Variants in SMAD6 observed in about 807,000 individuals in gnomAD.
SMAD6 encodes MAD homolog 6.
Under a neutral mutation model 39.4 loss-of-function variants are expected in SMAD6, and 103 were observed. That is an observed-to-expected ratio of 2.62 (90% confidence interval 2.23 to 3.08). The LOEUF is 3.08. Ranked by LOEUF, SMAD6 falls within the 30% of genes most tolerant of loss-of-function variation. The probability of loss-of-function intolerance (pLI) is 0.00; values close to 1 mark genes in which losing one functional copy is unlikely to be tolerated. For synonymous variants in SMAD6, 445 were observed against 353.3 expected (o/e 1.26, Z -2.91); for missense variants, 1,104 against 742.9 (o/e 1.49, Z -5.65).
At chr15:66,775,253 C>A (rs546380919) in intron 3 of SMAD6, among the ~76,000 whole-genome samples, 13 of 152,152 alleles carry the variant, frequency 8.5e-5, no homozygotes, top group Non-Finnish European at 1.8e-4. Flanking sequence ...TCTGGCCTCT[C>A]GTGCTCAATG....
At chr15:66,738,352 G>A (rs541654941) in intron 3 of SMAD6, among the ~76,000 whole-genome samples, 23 of 152,306 alleles carry the variant, frequency 1.5e-4, no homozygotes, top group Middle Eastern at 3.4e-3. Context: ...GCTTAGCTCC[G>A]AACAGGACAC....
chr15:66,768,983 G>C (rs987247849), intron 3 of SMAD6, among the ~76,000 whole-genome samples: 1 of 152,194 alleles, frequency 6.6e-6, no homozygotes, highest in African/African-American at 2.4e-5. Context: ...TCACAGAAGA[G>C]GGGTGTGTGA....
chr15:66,739,481 T>C (rs1321390210), intron 3 of SMAD6, among the ~76,000 whole-genome samples: 1 of 152,210 alleles, frequency 6.6e-6, no homozygotes, highest in Non-Finnish European at 1.5e-5. Flanking sequence ...ACTCAGGGAC[T>C]GCAGGTGTGC....
At chr15:66,735,714 C>T (rs569155496) in intron 3 of SMAD6, among the ~76,000 whole-genome samples, 1 of 152,332 alleles carries the variant, frequency 6.6e-6, no homozygotes, top group Admixed American at 6.5e-5. Flanking sequence ...TCTGAATGGT[C>T]ACACTTTGAG....
intron 3 of SMAD6, among the ~76,000 whole-genome samples, chr15:66,775,999 C>T (rs911548133): frequency 5.9e-5 from 9 of 152,196 alleles, no homozygotes; most frequent in Non-Finnish European, 1.2e-4. Context: ...TTGCAGAGCA[C>T]GTCAGCTTGT....
chr15:66,781,099 A>C lies in SMAD6; in HGVS notation c.1055A>C (p.Gln352Pro), dbSNP rs1435913974. 4 of 1,608,566 alleles carry C rather than the reference A, an allele frequency of 2.5e-6. No individual in the cohort carries two copies. The highest frequency in any genetic ancestry group is 3.4e-6 in the Non-Finnish European group (4 of 1,179,586). ...GGCCGCCTCTATGCGGTGTACGACC[A>C]GGCCGTCAGCATCTTCTACGACCTA... ...RVGRLYAVYD[Q>P]AVSIFYDLPQ... Residue 352 changes from glutamine (Q) to proline (P), a missense_variant, in exon 4 of 4, where the codon CAG (glutamine) becomes CCG (proline). Gln to Pro is a moderately conservative substitution (Grantham distance 76). Coordinates refer to ENST00000288840, the MANE Select transcript of SMAD6 (RefSeq NM_005585.5).
intron 3 of SMAD6, among the ~76,000 whole-genome samples, chr15:66,779,912 T>C (rs1267088987): frequency 3.9e-5 from 6 of 152,178 alleles, no homozygotes; most frequent in Non-Finnish European, 7.3e-5. Context: ...AGGCCAGATG[T>C]CAGAATCTGA....
At chr15:66,727,187 C>G (rs1893537477) in intron 3 of SMAD6, among the ~76,000 whole-genome samples, 1 of 151,760 alleles carries the variant, frequency 6.6e-6, no homozygotes, top group Non-Finnish European at 1.5e-5. Flanking sequence ...ACTGCAACCT[C>G]TGCCTGCCAG....
At chr15:66,774,070 T>C (rs1894424599) in intron 3 of SMAD6, among the ~76,000 whole-genome samples, 1 of 152,116 alleles carries the variant, frequency 6.6e-6, no homozygotes, top group African/African-American at 2.4e-5. Flanking sequence ...GGGCTGAGCC[T>C]CCCACGAATG....
chr15:66,704,616 T>C (rs2140584119), intron 1 of SMAD6: 2 of 152,408 alleles, frequency 1.3e-5, no homozygotes, highest in South Asian at 4.1e-4. Flanking sequence ...TCGACAAAGC[T>C]TTGCAGGGTA....
chr15:66,711,775 C>T (rs1444382959), intron 2 of SMAD6, 51 bp downstream of exon 2: 2 of 1,408,784 alleles, frequency 1.4e-6, no homozygotes, highest in Non-Finnish European at 2.0e-6. Flanking sequence ...CGAACTGGGT[C>T]CTCTTCAGCC....
At chr15:66,767,377 G>A (rs545575267) in intron 3 of SMAD6, among the ~76,000 whole-genome samples, 1 of 152,274 alleles carries the variant, frequency 6.6e-6, no homozygotes, top group South Asian at 2.1e-4. Flanking sequence ...TGTGGGTCCT[G>A]GGGTCTCTGT....
At chr15:66,769,568 G>A (rs1325497636) in intron 3 of SMAD6, among the ~76,000 whole-genome samples, 1 of 152,168 alleles carries the variant, frequency 6.6e-6, no homozygotes, top group East Asian at 1.9e-4. Context: ...ATTTGAGGGA[G>A]CTGGGCTGTG....
chr15:66,732,429 G>A (rs1228277534), intron 3 of SMAD6, among the ~76,000 whole-genome samples: 4 of 152,306 alleles, frequency 2.6e-5, no homozygotes, highest in African/African-American at 9.6e-5. Flanking sequence ...ATGGCTCACT[G>A]TAACCCTGAA....
chr15:66,710,254 C>G (rs946967568), intron 1 of SMAD6, among the ~76,000 whole-genome samples: 1 of 152,182 alleles, frequency 6.6e-6, no homozygotes, highest in Non-Finnish European at 1.5e-5. Context: ...ATTAACTACT[C>G]TGTACCTGAG....
chr15:66,735,362 A>G (rs1893695640), intron 3 of SMAD6, among the ~76,000 whole-genome samples: 1 of 152,226 alleles, frequency 6.6e-6, no homozygotes. Context: ...AAGGAAGTCA[A>G]AACTTAACTG....
intron 3 of SMAD6, among the ~76,000 whole-genome samples, chr15:66,755,150 C>T (rs1894074822): frequency 6.6e-6 from 1 of 152,170 alleles, no homozygotes; most frequent in South Asian, 2.1e-4. Flanking sequence ...TGTCTTTACC[C>T]TTCAAAGCCT....
rs1047590293 is a variant in SMAD6 at position 66,781,854 on chromosome 15, T to TTATATA, written c.*328_*333dup. The TTATATA allele has an allele frequency of 9.4e-3, 3,735 of 397,496 alleles. 171 individuals carry two copies. In the East Asian group the frequency reaches 0.12, roughly 12 times the overall value. 24.6% of individuals were successfully genotyped at this position (397,496 alleles called of 1,614,324 possible). On this transcript the variant is annotated 3_prime_UTR_variant, in exon 4 of 4. Transcript: ENST00000288840. Reference sequence around the variant, plus strand: ...CTTCCTCCTTCCTCTTCCTTACTTTTTATATATATATATAAAGAAAATGAT... The same window carrying TTATATA: ...CTTCCTCCTTCCTCTTCCTTACTTTTTATATATATATATATATATAAAGAAAATGAT...
Position 66,781,313 on chromosome 15 carries a change from C to T in SMAD6, c.1269C>T (p.Arg423=). Residue 423 remains arginine (R), a synonymous_variant, in exon 4 of 4, where the codon CGC becomes CGT. Transcript: ENST00000288840. The part of the protein sequence containing the change: ...NSPTLDAPGG[R]ALVVRKVPPG... ...CGACGCTGGACGCGCCCGGCGGCCG[C>T]GCCCTGGTCGTGCGCAAGGTGCCCC... The T allele has an allele frequency of 6.2e-7, 1 of 1,600,478 alleles. No homozygotes were observed. Among genetic ancestry groups the T allele is most frequent in the Non-Finnish European group, 8.5e-7 (1 of 1,174,892 alleles).
Sources: allele counts gnomAD v4.1 joint callset (sites outside exome capture counted in the v4.1 genomes callset), GRCh38; gene constraint gnomAD v4.1.1; transcripts MANE v1.5; gene names NCBI Gene and HGNC (gene_info 2026-07-23, HGNC 2026-07-21).